ERBB4: variants seen among roughly 807,000 people sequenced by gnomAD.
The protein encoded by ERBB4 is erb-b2 receptor tyrosine kinase 4.
ERBB4 carries 42 observed loss-of-function variants against 158.0 expected under a neutral mutation model. The observed-to-expected ratio is 0.27, with a 90% CI of 0.21 to 0.34. The LOEUF is 0.34. Ranked by LOEUF, ERBB4 falls within the 10% of genes least tolerant of loss-of-function variation. ERBB4 has a pLI of 1.00. For synonymous variants in ERBB4, 583 were observed against 558.7 expected, an observed-to-expected ratio of 1.04 and a Z score of -0.61; for missense variants, 1,333 against 1,624.1, an observed-to-expected ratio of 0.82 and a Z score of 3.08.
At chr2:211,613,088 G>A (rs759840725) in intron 19 of ERBB4, among the ~76,000 whole-genome samples, 13 of 152,090 alleles carry the variant, frequency 8.5e-5, no homozygotes, top group Admixed American at 3.9e-4. Flanking sequence ...TATTAAGGAT[G>A]GAGACAAGGT....
At chr2:211,981,185 C>T (rs1040734297) in intron 2 of ERBB4, among the ~76,000 whole-genome samples, 3 of 152,128 alleles carry the variant, frequency 2.0e-5, no homozygotes, top group Non-Finnish European at 4.4e-5. Flanking sequence ...GTTGTCTATC[C>T]TCTGCACAAT....
chr2:212,349,287 TCACACACA>T (rs3040350), intron 1 of ERBB4, among the ~76,000 whole-genome samples: 27 of 146,462 alleles, frequency 1.8e-4, no homozygotes, highest in Admixed American at 3.4e-4. Flanking sequence ...AACTTCTTAA[TCACACACA>T]CACACACACA....
intron 12 of ERBB4, among the ~76,000 whole-genome samples, chr2:211,688,712 A>G (rs374944691): frequency 1.4e-4 from 21 of 152,244 alleles, no homozygotes; most frequent in Middle Eastern, 3.4e-3. Context: ...ATTTCTCCCA[A>G]ATGATCCAAA....
chr2:212,053,859 G>T (rs1181494424), intron 2 of ERBB4, among the ~76,000 whole-genome samples: 1 of 152,014 alleles, frequency 6.6e-6, no homozygotes, highest in Non-Finnish European at 1.5e-5. Context: ...TGCCAACTTA[G>T]GCCTACATCA....
chr2:212,252,124 A>G (rs561259142), intron 1 of ERBB4, among the ~76,000 whole-genome samples: 1 of 152,210 alleles, frequency 6.6e-6, no homozygotes, highest in East Asian at 1.9e-4. Flanking sequence ...CAGGTGTCTG[A>G]CTTAAGCAAC....
chr2:211,503,722 C>T (rs2065674162), intron 20 of ERBB4, among the ~76,000 whole-genome samples: 1 of 151,728 alleles, frequency 6.6e-6, no homozygotes, highest in Non-Finnish European at 1.5e-5. Flanking sequence ...TGGGTGAGTC[C>T]AGTGGCCGAC....
intron 16 of ERBB4, among the ~76,000 whole-genome samples, chr2:211,643,652 T>C (rs2105860266): frequency 6.6e-6 from 1 of 152,208 alleles, no homozygotes; most frequent in South Asian, 2.1e-4. Flanking sequence ...TAACACTTAC[T>C]ATCTCTGGTG....
At chr2:211,661,686 CTT>C in intron 15 of ERBB4, among the ~76,000 whole-genome samples, 1 of 152,062 alleles carries the variant, frequency 6.6e-6, no homozygotes, top group East Asian at 1.9e-4. Context: ...CTTTCCCTCT[CTT>C]GATGTATAAA....
At chr2:211,625,974 T>A (rs1300390524) in intron 17 of ERBB4, among the ~76,000 whole-genome samples, 3 of 152,216 alleles carry the variant, frequency 2.0e-5, no homozygotes, top group Non-Finnish European at 4.4e-5. Context: ...CACAAAAACA[T>A]GTTTCTGTAT....
At chr2:211,978,392 G>GTC (rs1165469722) in intron 2 of ERBB4, among the ~76,000 whole-genome samples, 4 of 102,246 alleles carry the variant, frequency 3.9e-5, no homozygotes, top group Admixed American at 9.2e-5. Context: ...CTGTCTGTCT[G>GTC]TCTGTCTATC....
intron 1 of ERBB4, among the ~76,000 whole-genome samples, chr2:212,518,335 A>G (rs1000150296): frequency 1.2e-4 from 19 of 152,146 alleles, no homozygotes; most frequent in Middle Eastern, 3.4e-3. Flanking sequence ...TCCTTCATAA[A>G]GCCGTCACTG....
At chr2:211,977,531 T>TAAAAAA (rs370595284) in intron 2 of ERBB4, among the ~76,000 whole-genome samples, 1,852 of 67,604 alleles carry the variant, frequency 0.027, 67 homozygotes, top group Middle Eastern at 0.069. Flanking sequence ...ATATTGACTT[T>TAAAAAA]AAAAAAAAAA....
In ERBB4 at chr2:211,938,274, T is replaced by A. The variant is rs575723802; in HGVS notation, c.421+9156A>T. Among the ~76,000 whole-genome samples, 14 of 152,298 alleles carry A rather than the reference T, an allele frequency of 9.2e-5. No individual in the cohort carries two copies. In the East Asian group the frequency reaches 2.5e-3, roughly 27 times the overall value. ...ACTGAGCATCCTTGTTATGTTCATT[T>A]GAAGATAAGGAAACTGAGGCTTAGA... On this transcript the variant is annotated intron_variant, in intron 3 of 27. Coordinates refer to ENST00000342788, the MANE Select transcript of ERBB4 (RefSeq NM_005235.3).
At chr2:211,557,317 A>G (rs551895960) in intron 20 of ERBB4, among the ~76,000 whole-genome samples, 1 of 152,336 alleles carries the variant, frequency 6.6e-6, no homozygotes, top group Admixed American at 6.5e-5. Context: ...CTATCCACAG[A>G]GTGAAAAGAT....
chr2:212,534,398 T>G (rs1692926899), intron 1 of ERBB4, among the ~76,000 whole-genome samples: 1 of 152,162 alleles, frequency 6.6e-6, no homozygotes, highest in Admixed American at 6.5e-5. Context: ...AGAAAAAGGG[T>G]AAGAGGGACT....
chr2:212,068,430 A>G (rs998490671), intron 2 of ERBB4, among the ~76,000 whole-genome samples: 1 of 152,088 alleles, frequency 6.6e-6, no homozygotes, highest in East Asian at 1.9e-4. Context: ...TAAAGTTCCA[A>G]ATCCACTAAA....
intron 4 of ERBB4, among the ~76,000 whole-genome samples, chr2:211,762,320 C>T (rs867033397): frequency 7.2e-5 from 11 of 152,140 alleles, no homozygotes; most frequent in Non-Finnish European, 1.5e-4. Context: ...CAAAGACAAG[C>T]GGGTTTCAAA....
intron 1 of ERBB4, among the ~76,000 whole-genome samples, chr2:212,321,873 A>G (rs1221803288): frequency 4.0e-5 from 6 of 150,502 alleles, no homozygotes; most frequent in Admixed American, 3.3e-4. Context: ...CATTCTTCAT[A>G]ATTTCTTCAA....
At position 212,364,634 on chromosome 2, in the gene ERBB4, G is replaced by A. The variant is rs190960357; in HGVS notation, c.82+173815C>T. On this transcript the variant is annotated intron_variant, in intron 1 of 27. Transcript: ENST00000342788. The stretch of plus-strand genomic sequence containing the variant: ...ATTATACCTTTGCTATTCAGGAGAG[G>A]GCAAAAAAGTTTTGTGGCTCATCAA... Among the ~76,000 whole-genome samples the A allele has an allele frequency of 5.7e-4, 87 of 151,756 alleles. No individual in the cohort carries two copies. The East Asian group carries it at 0.015, about 26-fold the overall frequency.
Sources: allele counts gnomAD v4.1 joint callset (sites outside exome capture counted in the v4.1 genomes callset), GRCh38; gene constraint gnomAD v4.1.1; transcripts MANE v1.5; gene names NCBI Gene and HGNC (gene_info 2026-07-23, HGNC 2026-07-21).